Variants in TOX3 observed in about 807,000 individuals in gnomAD.
The protein encoded by TOX3 is CAG trinucleotide repeat-containing gene F9 protein.
Under a neutral mutation model 64.3 loss-of-function variants are expected in TOX3, and 22 were observed. The observed-to-expected ratio is 0.34, with a 90% CI of 0.24 to 0.49. TOX3 has a LOEUF of 0.49. Among genes scored for constraint, TOX3 ranks in the 20% least tolerant of loss-of-function variants. TOX3 has a pLI of 0.99. For synonymous variants in TOX3, 291 were observed against 273.6 expected, an observed-to-expected ratio of 1.06 and a Z score of -0.63; for missense variants, 661 against 714.4, an observed-to-expected ratio of 0.93 and a Z score of 0.85.
At chr16:52,476,921 G>A (rs981321894) in intron 1 of TOX3, among the ~76,000 whole-genome samples, 5 of 152,142 alleles carry the variant, frequency 3.3e-5, no homozygotes, top group African/African-American at 1.2e-4. Context: ...AATCTAGGAG[G>A]AGGAGTCAAA....
intron 1 of TOX3, among the ~76,000 whole-genome samples, chr16:52,524,067 C>T (rs1962670588): frequency 6.6e-6 from 1 of 152,188 alleles, no homozygotes; most frequent in Admixed American, 6.5e-5. Context: ...CATCTTTCTG[C>T]ATTTACTTAG....
intron 1 of TOX3, among the ~76,000 whole-genome samples, chr16:52,472,172 A>G (rs1465731920): frequency 6.6e-6 from 1 of 152,200 alleles, no homozygotes; most frequent in African/African-American, 2.4e-5. Flanking sequence ...GAAGGCCCAC[A>G]GTTCCTTCAT....
At chr16:52,496,708 G>A (rs1175544217) in intron 1 of TOX3, among the ~76,000 whole-genome samples, 1 of 151,802 alleles carries the variant, frequency 6.6e-6, no homozygotes, top group Non-Finnish European at 1.5e-5. Context: ...ATTTTCTTTT[G>A]GACAAAAAAG....
chr16:52,540,420 A>G (rs956342450), intron 1 of TOX3, among the ~76,000 whole-genome samples: 3 of 151,944 alleles, frequency 2.0e-5, no homozygotes, highest in African/African-American at 7.3e-5. Context: ...ATGTGTATAT[A>G]TATATTCCTC....
intron 1 of TOX3, among the ~76,000 whole-genome samples, chr16:52,545,812 C>A (rs1422015140): frequency 1.3e-5 from 2 of 152,098 alleles, no homozygotes; most frequent in Middle Eastern, 3.2e-3. Context: ...ACCAGGGCTG[C>A]GACTCTCGCC....
At chr16:52,536,676 T>TATATATATAC (rs1555488494) in intron 1 of TOX3, among the ~76,000 whole-genome samples, 3 of 78,386 alleles carry the variant, frequency 3.8e-5, no homozygotes, top group African/African-American at 1.4e-4. Flanking sequence ...TATATATATA[T>TATATATATAC]ACATGTGTAT....
At chr16:52,538,235 A>C (rs1963000959) in intron 1 of TOX3, among the ~76,000 whole-genome samples, 1 of 152,216 alleles carries the variant, frequency 6.6e-6, no homozygotes, top group African/African-American at 2.4e-5. Context: ...TTCTAGATTT[A>C]ACTCATCCCC....
At position 52,480,608 on chromosome 16, in the gene TOX3, C is replaced by G. The variant is rs1683062669; in HGVS notation, c.88-12034G>C. ...ACCTTTTAACGAATTACAAAACTCC[C>G]TTAGTTCAGTAACCAAACTTTCACT... On this transcript the variant is annotated intron_variant, in intron 1 of 6. Transcript: ENST00000219746. Among the ~76,000 whole-genome samples the G allele has an allele frequency of 2.0e-5, 3 of 152,328 alleles. No individual in the cohort carries two copies. In the South Asian group the frequency reaches 6.2e-4, roughly 32 times the overall value.
chr16:52,542,023 G>A (rs1367885605), intron 1 of TOX3, among the ~76,000 whole-genome samples: 3 of 152,086 alleles, frequency 2.0e-5, no homozygotes, highest in African/African-American at 2.4e-5. Flanking sequence ...CTAAGTCAAC[G>A]GATCCATATC....
intron 1 of TOX3, chr16:52,519,482 C>T (rs1962544263): frequency 1.3e-6 from 2 of 1,551,354 alleles, no homozygotes; most frequent in Non-Finnish European, 8.7e-7. Flanking sequence ...GCACTTCATC[C>T]TCCACTACAT....
At chr16:52,498,726 TC>T (rs1961919018) in intron 1 of TOX3, among the ~76,000 whole-genome samples, 1 of 152,176 alleles carries the variant, frequency 6.6e-6, no homozygotes, top group Admixed American at 6.5e-5. Flanking sequence ...TCAGTGTAAC[TC>T]ATGATTAAAA....
Position 52,439,167 on chromosome 16 carries a change from C to T in TOX3, c.*58G>A, listed in dbSNP as rs1005609878. ...AACTTACAGGTTTCAGCCACATATG[C>T]TTTTCCCTCCTATGCCACTCTCCTT... On this transcript the variant is annotated 3_prime_UTR_variant, in exon 7 of 7. Transcript: ENST00000219746. The T allele has an allele frequency of 6.8e-6, 11 of 1,609,368 alleles. No individual in the cohort carries two copies. Among genetic ancestry groups the T allele is most frequent in the Admixed American group, 6.7e-5 (4 of 59,558 alleles).
intron 1 of TOX3, among the ~76,000 whole-genome samples, chr16:52,504,451 A>G (rs1261676026): frequency 2.1e-5 from 3 of 139,584 alleles, no homozygotes; most frequent in Non-Finnish European, 3.1e-5. Context: ...TAGGTGATAG[A>G]GCGAGACTCC....
At chr16:52,453,772 AAACACAAGCAT>A (rs1255908190) in intron 3 of TOX3, among the ~76,000 whole-genome samples, 6 of 151,656 alleles carry the variant, frequency 4.0e-5, no homozygotes, top group African/African-American at 1.5e-4. Flanking sequence ...TATCATGGCC[AAACACAAGCAT>A]GTCTCCTTGG....
In TOX3 at chr16:52,485,680, GA is replaced by G. The variant is rs1221758512; in HGVS notation, c.88-17107del. Among the ~76,000 whole-genome samples, 7 of 152,234 alleles carry G rather than the reference GA, an allele frequency of 4.6e-5. No homozygotes were observed. In the East Asian group the frequency reaches 1.2e-3, roughly 25 times the overall value. ...AAATTAACAAAAAAGGAAGCATATA[GA>G]TGGAGAATAAATAAGAGTGAGCACT... On this transcript the variant is annotated intron_variant, in intron 1 of 6. Transcript: ENST00000219746.
intron 1 of TOX3, among the ~76,000 whole-genome samples, chr16:52,527,395 G>T (rs1411606987): frequency 2.0e-5 from 3 of 152,158 alleles, no homozygotes; most frequent in African/African-American, 7.2e-5. Flanking sequence ...TTGTGACTTA[G>T]TCCAAGCACC....
intron 1 of TOX3, among the ~76,000 whole-genome samples, chr16:52,511,125 C>T (rs1962297867): frequency 6.6e-6 from 1 of 152,082 alleles, no homozygotes; most frequent in Non-Finnish European, 1.5e-5. Flanking sequence ...TGAGCATCGA[C>T]ATGACAATAT....
At chr16:52,485,721 G>A (rs960375730) in intron 1 of TOX3, among the ~76,000 whole-genome samples, 2 of 152,120 alleles carry the variant, frequency 1.3e-5, no homozygotes, top group Admixed American at 6.6e-5. Context: ...GATCAGTTAG[G>A]AAAATTGTGC....
At chr16:52,468,389 T>G in intron 2 of TOX3, 120 bp downstream of exon 2, 1 of 774,470 alleles carries the variant, frequency 1.3e-6, no homozygotes, top group Non-Finnish European at 2.0e-6. Context: ...TCCTCCAAAG[T>G]AGTTACCTTG....
Sources: gnomAD v4.1 joint callset for allele counts (sites outside exome capture counted in the v4.1 genomes callset) on GRCh38, gnomAD v4.1.1 for gene constraint, MANE v1.5 for transcripts, NCBI Gene and HGNC (gene_info 2026-07-23, HGNC 2026-07-21) for gene names.